The following PTPRD variants were observed in gnomAD, a reference collection of about 807,000 sequenced individuals.
PTPRD encodes receptor-type tyrosine-protein phosphatase delta.
PTPRD carries 34 observed loss-of-function variants against 214.5 expected under a neutral mutation model. That is an observed-to-expected ratio of 0.16 (90% CI 0.12 to 0.21). The LOEUF (loss-of-function observed/expected upper bound fraction) is 0.21. PTPRD is among the 10% of genes least tolerant of loss of function. The pLI, the probability that PTPRD is intolerant of heterozygous loss-of-function variation, is 1.00. For synonymous variants in PTPRD, 1,128 were observed against 845.7 expected, an observed-to-expected ratio of 1.33 and a Z score of -5.79; for missense variants, 2,545 against 2,398.7, an observed-to-expected ratio of 1.06 and a Z score of -1.27.
chr9:9,118,932 T>C (rs2099814895), intron 10 of PTPRD, among the ~76,000 whole-genome samples: 1 of 152,154 alleles, frequency 6.6e-6, no homozygotes, highest in African/African-American at 2.4e-5. Context: ...TACTCCACAA[T>C]TACAAAGGGA....
chr9:10,564,171 CTTTTTTTTTT>C (rs71332760), intron 2 of PTPRD, among the ~76,000 whole-genome samples: 2,013 of 29,450 alleles, frequency 0.068, 197 homozygotes, highest in Middle Eastern at 0.35. Flanking sequence ...CTAGGCTATT[CTTTTTTTTTT>C]TTTTTTTTTT....
At chr9:8,696,524 G>C (rs950461681) in intron 12 of PTPRD, among the ~76,000 whole-genome samples, 4 of 152,140 alleles carry the variant, frequency 2.6e-5, no homozygotes. Flanking sequence ...ATTAGCAGAA[G>C]GAAGTAGAGG....
intron 8 of PTPRD, among the ~76,000 whole-genome samples, chr9:9,452,573 G>C (rs764826924): frequency 8.6e-5 from 13 of 150,932 alleles, no homozygotes; most frequent in Non-Finnish European, 1.2e-4. Context: ...ATGAGAAAGA[G>C]AGAAAAAAAC....
chr9:8,622,106 A>T (rs573864270), intron 14 of PTPRD, among the ~76,000 whole-genome samples: 3 of 151,952 alleles, frequency 2.0e-5, no homozygotes, highest in African/African-American at 7.2e-5. Context: ...AGAGCAAAAA[A>T]GAATCATAAA....
intron 37 of PTPRD, among the ~76,000 whole-genome samples, chr9:8,383,167 G>C (rs1349414277): frequency 6.6e-6 from 1 of 152,188 alleles, no homozygotes; most frequent in African/African-American, 2.4e-5. Context: ...GAAAATGTTT[G>C]AGCACAATCT....
At chr9:8,699,057 A>C (rs1370142940) in intron 12 of PTPRD, among the ~76,000 whole-genome samples, 1 of 152,190 alleles carries the variant, frequency 6.6e-6, no homozygotes, top group East Asian at 1.9e-4. Context: ...ATACCCTACC[A>C]GAATTTTTGT....
intron 3 of PTPRD, among the ~76,000 whole-genome samples, chr9:10,100,818 T>C (rs936884857): frequency 1.3e-5 from 2 of 151,546 alleles, no homozygotes; most frequent in Non-Finnish European, 3.0e-5. Flanking sequence ...CCTTGTTTTG[T>C]AGAAGAGAAA....
intron 11 of PTPRD, among the ~76,000 whole-genome samples, chr9:8,748,339 T>G (rs568503336): frequency 6.6e-6 from 1 of 151,492 alleles, no homozygotes; most frequent in Non-Finnish European, 1.5e-5. Flanking sequence ...AAATGCTAAT[T>G]AGGCAAAAAC....
chr9:9,742,416 G>C (rs2098413523), intron 6 of PTPRD, among the ~76,000 whole-genome samples: 1 of 152,092 alleles, frequency 6.6e-6, no homozygotes, highest in African/African-American at 2.4e-5. Flanking sequence ...CAAATTAGAA[G>C]CATCATGTAT....
At chr9:8,704,848 G>C (rs150231553) in intron 12 of PTPRD, among the ~76,000 whole-genome samples, 4 of 151,928 alleles carry the variant, frequency 2.6e-5, no homozygotes, top group Admixed American at 6.6e-5. Flanking sequence ...ATGTGAACCC[G>C]GGAGGTGGAG....
intron 11 of PTPRD, chr9:8,858,188 C>T (rs1216079031): frequency 6.3e-6 from 1 of 157,594 alleles, no homozygotes; most frequent in Non-Finnish European, 1.4e-5. Flanking sequence ...TCTCCTCCCT[C>T]CGCCTCTCCT....
intron 6 of PTPRD, among the ~76,000 whole-genome samples, chr9:9,742,498 TAAAG>T (rs891140988): frequency 1.1e-4 from 16 of 152,152 alleles, no homozygotes; most frequent in Admixed American, 7.2e-4. Flanking sequence ...GTAATTTTGA[TAAAG>T]AAAGGAAGAA....
chr9:8,662,160 A>G (rs1357774724), intron 12 of PTPRD, among the ~76,000 whole-genome samples: 2 of 152,294 alleles, frequency 1.3e-5, no homozygotes, highest in African/African-American at 2.4e-5. Flanking sequence ...TGTATTTTAC[A>G]TAAGTGAGAG....
intron 9 of PTPRD, among the ~76,000 whole-genome samples, chr9:9,292,208 C>T (rs1391956258): frequency 6.6e-6 from 1 of 151,018 alleles, no homozygotes; most frequent in Non-Finnish European, 1.5e-5. Context: ...CCATATCTCT[C>T]TCAATATCAT....
chr9:9,845,825 G>T (rs1599586051), intron 5 of PTPRD, among the ~76,000 whole-genome samples: 2 of 152,084 alleles, frequency 1.3e-5, no homozygotes, highest in Non-Finnish European at 2.9e-5. Flanking sequence ...GCAATAGCTA[G>T]CAGAAGGCTG....
At chr9:9,815,395 G>C (rs570333080) in intron 5 of PTPRD, among the ~76,000 whole-genome samples, 51 of 152,104 alleles carry the variant, frequency 3.4e-4, no homozygotes, top group Non-Finnish European at 5.9e-4. Context: ...TTAAATATGA[G>C]AACTAAAGCT....
chr9:9,455,752 T>C (rs2092900993), intron 8 of PTPRD, among the ~76,000 whole-genome samples: 1 of 151,724 alleles, frequency 6.6e-6, no homozygotes, highest in Admixed American at 6.6e-5. Context: ...AAAAAAACTC[T>C]TTTTGACTTC....
At chr9:9,309,459 G>A (rs1160756098) in intron 9 of PTPRD, among the ~76,000 whole-genome samples, 2 of 152,192 alleles carry the variant, frequency 1.3e-5, no homozygotes, top group East Asian at 1.9e-4. Flanking sequence ...TATCTCATAC[G>A]TTCATGTGCC....
chr9:8,528,502 A>C (rs762457901), intron 15 of PTPRD, 89 bp downstream of exon 15: 1 of 1,198,070 alleles, frequency 8.3e-7, no homozygotes, highest in Non-Finnish European at 1.2e-6. Context: ...CCTAGAAATA[A>C]AAAATAAATT....
Sources: allele counts gnomAD v4.1 joint callset (sites outside exome capture counted in the v4.1 genomes callset), GRCh38; gene constraint gnomAD v4.1.1; transcripts MANE v1.5; gene names NCBI Gene and HGNC (gene_info 2026-07-23, HGNC 2026-07-21).